The following SLC16A7 variants were observed in gnomAD, a reference collection of about 807,000 sequenced individuals.
The protein encoded by SLC16A7 is monocarboxylate transporter 2.
In SLC16A7, 33 loss-of-function variants were observed where a neutral mutation model predicts 34.9. The ratio of observed to expected loss-of-function variants is 0.94; its 90% CI spans 0.72 to 1.26. The LOEUF is 1.26. Among genes scored for constraint, SLC16A7 ranks in the 50% most tolerant of loss-of-function variants. The pLI is 0.00. For synonymous variants in SLC16A7, 201 were observed against 206.6 expected (o/e 0.97, Z 0.23); for missense variants, 573 against 578.1 (o/e 0.99, Z 0.09).
At chr12:59,748,910 A>C (rs1879192535) in intron 3 of SLC16A7, among the ~76,000 whole-genome samples, 1 of 152,240 alleles carries the variant, frequency 6.6e-6, no homozygotes, top group Non-Finnish European at 1.5e-5. Context: ...ATTTAATACC[A>C]GCAAACTGTG....
At chr12:59,629,931 T>C (rs1263359330) in intron 1 of SLC16A7, among the ~76,000 whole-genome samples, 2 of 151,932 alleles carry the variant, frequency 1.3e-5, no homozygotes, top group African/African-American at 4.8e-5. Context: ...GCCCTTTAAA[T>C]TTTGTATTCA....
At chr12:59,737,400 G>C (rs1877723137) in intron 3 of SLC16A7, among the ~76,000 whole-genome samples, 1 of 152,216 alleles carries the variant, frequency 6.6e-6, no homozygotes, top group Non-Finnish European at 1.5e-5. Flanking sequence ...ATTCTAAGGA[G>C]TGATTTTTGC....
intron 3 of SLC16A7, among the ~76,000 whole-genome samples, chr12:59,767,882 G>A (rs1276510508): frequency 7.0e-6 from 1 of 142,428 alleles, no homozygotes; most frequent in African/African-American, 2.6e-5. Flanking sequence ...TCATAGGTGG[G>A]AATTGAACAA....
intron 3 of SLC16A7, among the ~76,000 whole-genome samples, chr12:59,759,282 C>G (rs1054474823): frequency 6.6e-6 from 1 of 151,896 alleles, no homozygotes; most frequent in Non-Finnish European, 1.5e-5. Context: ...TTTTATCTGT[C>G]TGTTAAAGTC....
At position 59,714,636 on chromosome 12, in the gene SLC16A7, C is replaced by A. The variant is rs938233795; in HGVS notation, c.217+9618C>A. Among the ~76,000 whole-genome samples the A allele has an allele frequency of 2.6e-5, 4 of 151,950 alleles. No individual in the cohort carries two copies. In the East Asian group the frequency reaches 7.7e-4, roughly 29 times the overall value. ...CTGGAGTGCAGTGGCACGATCTAGGCTCACTGCAACCTCCGCCTCCCAGGT... is the reference window on the plus strand; with the variant it reads ...CTGGAGTGCAGTGGCACGATCTAGGATCACTGCAACCTCCGCCTCCCAGGT... On this transcript the variant is annotated intron_variant, in intron 3 of 5. Transcript: ENST00000547379.
chr12:59,665,191 C>A (rs1869092326), intron 2 of SLC16A7, among the ~76,000 whole-genome samples: 1 of 151,896 alleles, frequency 6.6e-6, no homozygotes, highest in South Asian at 2.1e-4. Flanking sequence ...ATGAAACTAT[C>A]AATTGTGGTT....
intron 3 of SLC16A7, among the ~76,000 whole-genome samples, chr12:59,709,690 G>A (rs1187900526): frequency 6.6e-6 from 1 of 151,610 alleles, no homozygotes; most frequent in African/African-American, 2.4e-5. Context: ...CCCTGTGCAA[G>A]TAGGCTGTGG....
chr12:59,751,056 T>A (rs1879476266), intron 3 of SLC16A7, among the ~76,000 whole-genome samples: 1 of 102,572 alleles, frequency 9.7e-6, no homozygotes. Context: ...CACTGAGGCC[T>A]GTCGGGGGGC....
chr12:59,686,113 T>C (rs1402170501), intron 2 of SLC16A7, among the ~76,000 whole-genome samples: 1 of 150,116 alleles, frequency 6.7e-6, no homozygotes, highest in African/African-American at 2.4e-5. Flanking sequence ...TTTTTTTTTT[T>C]TTTGCAGGGG....
intron 3 of SLC16A7, among the ~76,000 whole-genome samples, chr12:59,737,277 A>G (rs1877708069): frequency 1.3e-5 from 2 of 152,260 alleles, no homozygotes; most frequent in Non-Finnish European, 2.9e-5. Context: ...GCTACTCATT[A>G]TCTTATGAAA....
chr12:59,693,191 C>A (rs553301892), intron 2 of SLC16A7, among the ~76,000 whole-genome samples: 3 of 151,980 alleles, frequency 2.0e-5, no homozygotes, highest in Admixed American at 6.6e-5. Flanking sequence ...AGTCTAAGAA[C>A]TATTGATTAT....
chr12:59,747,119 A>G (rs1405520728), intron 3 of SLC16A7, among the ~76,000 whole-genome samples: 1 of 152,160 alleles, frequency 6.6e-6, no homozygotes, highest in Non-Finnish European at 1.5e-5. Flanking sequence ...AGTGTGAGCC[A>G]GTGCACCTGG....
At chr12:59,597,366 C>T (rs559379759) in intron 1 of SLC16A7, among the ~76,000 whole-genome samples, 1 of 152,098 alleles carries the variant, frequency 6.6e-6, no homozygotes, top group African/African-American at 2.4e-5. Flanking sequence ...TCTTGGGTCC[C>T]AAAGGAGATG....
chr12:59,607,156 G>GA (rs200827507), intron 1 of SLC16A7, among the ~76,000 whole-genome samples: 12 of 150,208 alleles, frequency 8.0e-5, no homozygotes, highest in South Asian at 6.3e-4. Context: ...GCACTTTAGA[G>GA]AAAAAAAAAA....
intron 3 of SLC16A7, among the ~76,000 whole-genome samples, chr12:59,766,960 C>T (rs1487511438): frequency 3.3e-5 from 5 of 151,976 alleles, no homozygotes; most frequent in African/African-American, 4.8e-5. Context: ...CCATCTGGTC[C>T]TGGGCTTTTT....
At chr12:59,726,955 A>T (rs907732551) in intron 3 of SLC16A7, among the ~76,000 whole-genome samples, 3 of 152,038 alleles carry the variant, frequency 2.0e-5, no homozygotes, top group African/African-American at 7.2e-5. Context: ...AGAAAATTTT[A>T]AAAGCATCTA....
intron 1 of SLC16A7, among the ~76,000 whole-genome samples, chr12:59,636,153 A>C (rs1354951777): frequency 6.6e-6 from 1 of 152,082 alleles, no homozygotes; most frequent in African/African-American, 2.4e-5. Flanking sequence ...AAATGATCAA[A>C]ACTGTGTAGG....
chr12:59,668,202 T>G lies in SLC16A7; in HGVS notation c.-31+12952T>G, dbSNP rs1869368973. Among the ~76,000 whole-genome samples, 3 of 152,238 alleles carry G rather than the reference T, an allele frequency of 2.0e-5. No individual in the cohort carries two copies. In the South Asian group the frequency reaches 6.2e-4, roughly 32 times the overall value. ...CCACTGGGGCACCATCTAGTGGAGC[T>G]ATGAGAAGAGGGCCACCATCCTTCA... On this transcript the variant is annotated intron_variant, in intron 2 of 5. Coordinates refer to ENST00000547379, the MANE Select transcript of SLC16A7 (RefSeq NM_001270623.2).
intron 1 of SLC16A7, among the ~76,000 whole-genome samples, chr12:59,620,887 C>A (rs1006083059): frequency 2.0e-5 from 3 of 151,848 alleles, no homozygotes; most frequent in Non-Finnish European, 2.9e-5. Context: ...AAAAAATTAT[C>A]CTTCACACCA....
Sources: gnomAD v4.1 joint callset for allele counts (sites outside exome capture counted in the v4.1 genomes callset) on GRCh38, gnomAD v4.1.1 for gene constraint, MANE v1.5 for transcripts, NCBI Gene and HGNC (gene_info 2026-07-23, HGNC 2026-07-21) for gene names.